EML6: variants seen among roughly 807,000 people sequenced by gnomAD.
EML6 encodes the protein EMAP like 6, also known as echinoderm microtubule-associated protein-like 6.
A neutral mutation model predicts 240.1 loss-of-function variants in EML6; 154 were observed. That is an observed-to-expected ratio of 0.64 (90% CI 0.56 to 0.73). The LOEUF is 0.73. Among genes scored for constraint, EML6 ranks in the 30% least tolerant of loss-of-function variants. EML6 has a pLI of 0.00. For missense variants in EML6, 2,964 were observed against 2,474.6 expected (o/e 1.20, Z -4.20); for synonymous variants, 1,148 against 899.0 (o/e 1.28, Z -4.95).
At position 54,965,731 on chromosome 2, in the gene EML6, A is replaced by G. The variant is rs529137309; in HGVS notation, c.5493+998A>G. Among the ~76,000 whole-genome samples, 286 of 152,220 alleles carry G rather than the reference A, an allele frequency of 1.9e-3. 1 individual carries two copies. Among genetic ancestry groups the G allele is most frequent in the Middle Eastern group, 6.8e-3 (2 of 294 alleles). ...GTATTGATCTGGGTGGGGCCAGCTG[A>G]TCCATCAAGTGCACGGTCTGCAAAA... is the stretch of plus-strand genomic sequence containing the variant. On this transcript the variant is annotated intron_variant, in intron 38 of 41. Coordinates refer to ENST00000356458, the MANE Select transcript of EML6 (RefSeq NM_001039753.4).
At position 54,928,664 on chromosome 2, in the gene EML6, A is replaced by G. The variant is rs1212069597; in HGVS notation, c.3917A>G (p.Tyr1306Cys). Residue 1306 changes from tyrosine to cysteine, a missense_variant, in exon 28 of 42, where the codon TAC becomes TGC. Tyr to Cys is a radical substitution (Grantham distance 194). Coordinates refer to ENST00000356458, the MANE Select transcript of EML6 (RefSeq NM_001039753.4). ...GTTGCTAGAGAAAAGGCCATTGACT[A>G]CACCACCAAGATTTATGCTGTGAGC... is the stretch of plus-strand genomic sequence containing the variant. ...SDVAREKAID[Y>C]TTKIYAVSIR... The G allele has an allele frequency of 1.9e-6, 3 of 1,552,114 alleles. No individual in the cohort carries two copies. The highest frequency in any genetic ancestry group is 2.4e-5 in the South Asian group (2 of 84,056).
intron 25 of EML6, among the ~76,000 whole-genome samples, chr2:54,912,074 G>A (rs1193013942): frequency 4.6e-5 from 7 of 152,232 alleles, no homozygotes; most frequent in Non-Finnish European, 5.9e-5. Flanking sequence ...CAGTTTGCCA[G>A]TATCTTAAAC....
At chr2:54,862,289 G>GATT (rs1428293767) in intron 12 of EML6, among the ~76,000 whole-genome samples, 1 of 131,156 alleles carries the variant, frequency 7.6e-6, no homozygotes. Flanking sequence ...AGTGAGCCAC[G>GATT]ATTGTGCCAC....
intron 26 of EML6, among the ~76,000 whole-genome samples, chr2:54,927,835 A>G (rs1354363214): frequency 6.6e-6 from 1 of 152,206 alleles, no homozygotes; most frequent in African/African-American, 2.4e-5. Context: ...CGTTGTGTTC[A>G]TTTTACATCT....
intron 2 of EML6, among the ~76,000 whole-genome samples, chr2:54,746,648 A>G (rs1253649092): frequency 6.6e-6 from 1 of 152,198 alleles, no homozygotes; most frequent in Non-Finnish European, 1.5e-5. Context: ...TCTGAGTTAT[A>G]GCATCTTTTT....
At chr2:54,804,391 C>T (rs1261114476) in intron 2 of EML6, among the ~76,000 whole-genome samples, 1 of 152,228 alleles carries the variant, frequency 6.6e-6, no homozygotes, top group Non-Finnish European at 1.5e-5. Context: ...ATTAGTGAAA[C>T]TTCTCATTAG....
At position 54,917,115 on chromosome 2, in the gene EML6, C is replaced by T. The variant is rs546650173; in HGVS notation, c.3675+180C>T. ...GAGTGACTAATTTCAGTGCAATTCTCATGGCATAGAATTCTACCTTGAAAG... is the reference window on the plus strand; with the variant it reads ...GAGTGACTAATTTCAGTGCAATTCTTATGGCATAGAATTCTACCTTGAAAG... On this transcript the variant is annotated intron_variant, in intron 26 of 41. Transcript: ENST00000356458. 5.9e-5 allele frequency among the ~76,000 whole-genome samples: 9 copies of T among 152,298 alleles called. No homozygotes were observed. In the South Asian group the frequency reaches 1.7e-3, roughly 28 times the overall value.
At chr2:54,958,287 G>C (rs1182063009) in intron 33 of EML6, among the ~76,000 whole-genome samples, 1 of 152,068 alleles carries the variant, frequency 6.6e-6, no homozygotes, top group African/African-American at 2.4e-5. Context: ...CACCTCCCAG[G>C]CTCAAGCGAT....
At chr2:54,907,163 T>C (rs1673367711) in intron 24 of EML6, among the ~76,000 whole-genome samples, 1 of 152,220 alleles carries the variant, frequency 6.6e-6, no homozygotes, top group South Asian at 2.1e-4. Flanking sequence ...GGGTATTTTC[T>C]AAATGCTACA....
At chr2:54,927,467 G>C (rs75415032) in intron 26 of EML6, among the ~76,000 whole-genome samples, 1 of 152,296 alleles carries the variant, frequency 6.6e-6, no homozygotes, top group East Asian at 1.9e-4. Flanking sequence ...TATTCTGTAA[G>C]GTATTCCCTC....
At chr2:54,816,277 C>T (rs1275452518) in intron 3 of EML6, among the ~76,000 whole-genome samples, 1 of 152,192 alleles carries the variant, frequency 6.6e-6, no homozygotes, top group Non-Finnish European at 1.5e-5. Context: ...TACCAGATTA[C>T]TTCTACTTAG....
chr2:54,762,394 C>A (rs1466605849), intron 2 of EML6, among the ~76,000 whole-genome samples: 1 of 152,108 alleles, frequency 6.6e-6, no homozygotes, highest in East Asian at 1.9e-4. Context: ...TAAAATCGAT[C>A]ATTAAATGTT....
intron 18 of EML6, 41 bp from the exon 19 acceptor site, chr2:54,892,413 C>A: frequency 7.1e-7 from 1 of 1,407,940 alleles, no homozygotes; most frequent in Non-Finnish European, 9.8e-7. Flanking sequence ...ATAGGAAGTG[C>A]CAGATTTTAT....
At position 54,935,679 on chromosome 2, in the gene EML6, A is replaced by G. The variant is rs758893459; in HGVS notation, c.4004+6928A>G. On this transcript the variant is annotated intron_variant, in intron 28 of 41. Transcript: ENST00000356458. ...TTACTTTTAAAAATTGTAGTCTTAT[A>G]TTCACATTATGTTTTGTTATTCGCA... 1.2e-3 allele frequency among the ~76,000 whole-genome samples: 184 copies of G among 152,334 alleles called. 2 individuals are homozygous for G. Among genetic ancestry groups the G allele is most frequent in the Non-Finnish European group, 1.3e-3 (88 of 68,030 alleles).
chr2:54,932,609 A>G (rs1283843888), intron 28 of EML6, among the ~76,000 whole-genome samples: 1 of 152,226 alleles, frequency 6.6e-6, no homozygotes, highest in East Asian at 1.9e-4. Flanking sequence ...TATTTAATTG[A>G]TACTTTAAAT....
intron 7 of EML6, 61 bp from the exon 8 acceptor site, chr2:54,843,964 TTGTGTGTGTGTGTGTGTGTGTG>T (rs70944190): frequency 1.8e-5 from 12 of 658,626 alleles, no homozygotes; most frequent in Non-Finnish European, 3.2e-5. Context: ...CTTTAGGGTT[TTGTGTGTGTGTGTGTGTGTGTG>T]TGTGTGTGTG....
At chr2:54,741,754 T>G (rs1159853) in intron 2 of EML6, among the ~76,000 whole-genome samples, 3,678 of 152,264 alleles carry the variant, frequency 0.024, 148 homozygotes, top group African/African-American at 0.084. Context: ...CTGGGATAAT[T>G]TGAGCATGAA....
At chr2:54,901,106 T>C (rs993988083) in intron 22 of EML6, among the ~76,000 whole-genome samples, 2 of 152,230 alleles carry the variant, frequency 1.3e-5, no homozygotes, top group African/African-American at 4.8e-5. Flanking sequence ...GCCAGCTCTT[T>C]CCATGTAGTC....
intron 8 of EML6, among the ~76,000 whole-genome samples, chr2:54,845,477 C>T (rs1240520189): frequency 6.6e-6 from 1 of 152,190 alleles, no homozygotes; most frequent in Non-Finnish European, 1.5e-5. Context: ...GAATCTTATT[C>T]CCTTTAACCA....
Sources: gnomAD v4.1 joint callset for allele counts (sites outside exome capture counted in the v4.1 genomes callset) on GRCh38, gnomAD v4.1.1 for gene constraint, MANE v1.5 for transcripts, NCBI Gene and HGNC (gene_info 2026-07-23, HGNC 2026-07-21) for gene names.